KLHL32: variants seen among roughly 807,000 people sequenced by gnomAD.
KLHL32 encodes the protein kelch-like protein 32.
KLHL32 carries 35 observed loss-of-function variants against 64.8 expected under a neutral mutation model. The observed-to-expected ratio is 0.54, with a 90% confidence interval of 0.41 to 0.72. The LOEUF (loss-of-function observed/expected upper bound fraction) is 0.72. Ranked by LOEUF, KLHL32 falls within the 30% of genes least tolerant of loss-of-function variation. KLHL32 has a pLI of 0.00. For missense variants in KLHL32, 589 were observed against 768.5 expected (o/e 0.77, Z 2.76); for synonymous variants, 259 against 281.0 (o/e 0.92, Z 0.78).
At chr6:97,011,643 A>G (rs1180200257) in intron 3 of KLHL32, among the ~76,000 whole-genome samples, 1 of 152,218 alleles carries the variant, frequency 6.6e-6, no homozygotes, top group African/African-American at 2.4e-5. Context: ...ACATATTCAG[A>G]GTGATCATTT....
intron 8 of KLHL32, among the ~76,000 whole-genome samples, chr6:97,129,288 G>A (rs1158727518): frequency 2.0e-5 from 3 of 152,088 alleles, no homozygotes; most frequent in South Asian, 2.1e-4. Flanking sequence ...TCAAAACATC[G>A]TATGACTTTT....
intron 1 of KLHL32, among the ~76,000 whole-genome samples, chr6:96,953,629 C>CAA (rs111533906): frequency 1.5e-5 from 2 of 135,434 alleles, no homozygotes; most frequent in Non-Finnish European, 3.2e-5. Context: ...GACTCCATCT[C>CAA]AAAAAAAAAA....
chr6:97,114,185 A>T lies in KLHL32; in HGVS notation c.1030A>T (p.Met344Leu). Residue 344 changes from methionine (M) to leucine (L), a missense_variant, in exon 7 of 11, where the codon ATG (methionine) becomes TTG (leucine). Physicochemically the swap from Met to Leu is conservative, Grantham distance 15 (BLOSUM62 2). Coordinates refer to ENST00000369261, the MANE Select transcript of KLHL32 (RefSeq NM_052904.4). ...VGRSHHCVAV[M>L]GDFLFVAGGE... ...AAGGAGCCACCATTGTGTGGCAGTC[A>T]TGGGGGACTTCCTGTTTGTGGCAGG... The T allele has an allele frequency of 6.2e-7, 1 of 1,614,156 alleles. No individual in the cohort carries two copies. The highest frequency in any genetic ancestry group is 8.5e-7 in the Non-Finnish European group (1 of 1,180,022).
At chr6:96,952,028 A>C (rs968640051) in intron 1 of KLHL32, among the ~76,000 whole-genome samples, 2 of 152,018 alleles carry the variant, frequency 1.3e-5, no homozygotes, top group East Asian at 1.9e-4. Flanking sequence ...GATTCCCCCC[A>C]CATCCTAAAA....
At chr6:97,061,723 A>C (rs1180268194) in intron 4 of KLHL32, among the ~76,000 whole-genome samples, 4 of 152,166 alleles carry the variant, frequency 2.6e-5, no homozygotes, top group Non-Finnish European at 5.9e-5. Context: ...TGTGTTTGAG[A>C]TCCCTTTTTT....
the KLHL32 span, among the ~76,000 whole-genome samples, chr6:96,915,577 C>A: frequency 6.6e-6 from 1 of 151,882 alleles, no homozygotes; most frequent in Non-Finnish European, 1.5e-5. Flanking sequence ...AGATAAAAAG[C>A]TGGATTTTAG....
At chr6:97,072,149 C>T (rs998665048) in intron 5 of KLHL32, among the ~76,000 whole-genome samples, 72 of 152,132 alleles carry the variant, frequency 4.7e-4, no homozygotes, top group Non-Finnish European at 9.0e-4. Flanking sequence ...TAGAATCTCC[C>T]ATCTCCTTGA....
chr6:97,108,831 T>TTAA (rs1342446557), intron 6 of KLHL32, among the ~76,000 whole-genome samples: 1 of 152,206 alleles, frequency 6.6e-6, no homozygotes, highest in Non-Finnish European at 1.5e-5. Flanking sequence ...ATTAAGCTAA[T>TTAA]TAAGTATCTT....
At chr6:97,050,540 A>G (rs4839896) in intron 4 of KLHL32, among the ~76,000 whole-genome samples, 42,449 of 151,974 alleles carry the variant, frequency 0.28, 8,163 homozygotes, top group African/African-American at 0.54. Flanking sequence ...CTCAGATGTA[A>G]GGCAAGCAGG....
chr6:97,075,285 T>C (rs1756763370), intron 5 of KLHL32, among the ~76,000 whole-genome samples: 1 of 152,234 alleles, frequency 6.6e-6, no homozygotes, highest in Admixed American at 6.5e-5. Flanking sequence ...CATATACATA[T>C]GCATATCAAT....
chr6:97,041,426 A>G (rs1766198493), intron 3 of KLHL32, 66 bp from the exon 4 acceptor site: 1 of 1,019,792 alleles, frequency 9.8e-7, no homozygotes, highest in South Asian at 1.4e-5. Flanking sequence ...TAGTCTCTCT[A>G]GAATTTTGTC....
intron 6 of KLHL32, among the ~76,000 whole-genome samples, chr6:97,085,599 A>C (rs1793291139): frequency 6.6e-6 from 1 of 152,208 alleles, no homozygotes; most frequent in Admixed American, 6.5e-5. Flanking sequence ...CCCAGAACCT[A>C]ACGTGGTCAC....
intron 3 of KLHL32, among the ~76,000 whole-genome samples, chr6:97,017,891 T>C (rs570840275): frequency 6.6e-6 from 1 of 152,176 alleles, no homozygotes; most frequent in African/African-American, 2.4e-5. Flanking sequence ...AGCCCCGTGA[T>C]GGAAGGAACC....
intron 1 of KLHL32, among the ~76,000 whole-genome samples, chr6:96,934,763 C>CT (rs1770374502): frequency 6.6e-6 from 1 of 152,182 alleles, no homozygotes; most frequent in Non-Finnish European, 1.5e-5. Context: ...TAATTTTATA[C>CT]TTTTTAGATT....
chr6:97,045,482 AT>A (rs147462598), intron 4 of KLHL32, among the ~76,000 whole-genome samples: 6 of 150,828 alleles, frequency 4.0e-5, no homozygotes, highest in African/African-American at 9.7e-5. Flanking sequence ...TGAAATAGTA[AT>A]TTTTTTTTTG....
intron 1 of KLHL32, among the ~76,000 whole-genome samples, chr6:96,954,020 T>A (rs1473153088): frequency 6.6e-6 from 1 of 152,172 alleles, no homozygotes; most frequent in African/African-American, 2.4e-5. Context: ...TTTTTAATAA[T>A]TGTAGTTTGG....
chr6:97,028,759 G>A (rs982276707), intron 3 of KLHL32, among the ~76,000 whole-genome samples: 7 of 152,150 alleles, frequency 4.6e-5, no homozygotes, highest in African/African-American at 1.7e-4. Context: ...CAATTAATTC[G>A]ATTCATTCAA....
intron 1 of KLHL32, among the ~76,000 whole-genome samples, chr6:96,950,890 A>G (rs1215190947): frequency 6.6e-6 from 1 of 152,148 alleles, no homozygotes; most frequent in Non-Finnish European, 1.5e-5. Context: ...CTGAGAGCCC[A>G]TGAGATGATA....
At chr6:96,923,224 T>A (rs1209785462), upstream of KLHL32, among the ~76,000 whole-genome samples, 1 of 152,234 alleles carries the variant, frequency 6.6e-6, no homozygotes, top group Admixed American at 6.5e-5. Context: ...GGGCTTAAAA[T>A]TTTAAGTATT....
Sources: gnomAD v4.1 joint callset for allele counts (sites outside exome capture counted in the v4.1 genomes callset) on GRCh38, gnomAD v4.1.1 for gene constraint, MANE v1.5 for transcripts, NCBI Gene and HGNC (gene_info 2026-07-23, HGNC 2026-07-21) for gene names.